GSK3B: variants seen among roughly 807,000 people sequenced by gnomAD.
GSK3B encodes glycogen synthase kinase 3 beta, also known as glycogen synthase kinase-3 beta.
GSK3B carries 15 observed loss-of-function variants against 56.4 expected under a neutral mutation model. The ratio of observed to expected loss-of-function variants is 0.27; its 90% CI spans 0.18 to 0.41. The LOEUF (loss-of-function observed/expected upper bound fraction) is 0.41, where lower values mean the gene tolerates loss of function less well. Ranked by LOEUF, GSK3B falls within the 10% of genes least tolerant of loss-of-function variation. The pLI is 1.00. For synonymous variants in GSK3B, 181 were observed against 188.9 expected (o/e 0.96, Z 0.34); for missense variants, 300 against 513.4 (o/e 0.58, Z 4.02).
At chr3:119,983,418 A>G (rs920070585) in intron 2 of GSK3B, among the ~76,000 whole-genome samples, 6 of 152,192 alleles carry the variant, frequency 3.9e-5, no homozygotes, top group Admixed American at 3.3e-4. Flanking sequence ...GGCAAATTGG[A>G]TAAAGAGTCA....
intron 1 of GSK3B, among the ~76,000 whole-genome samples, chr3:120,083,010 T>C (rs190889734): frequency 4.4e-4 from 67 of 151,844 alleles, no homozygotes; most frequent in African/African-American, 1.6e-3. Context: ...ACTTGCCTTA[T>C]GTTTGCATGG....
intron 9 of GSK3B, among the ~76,000 whole-genome samples, chr3:119,857,873 A>C (rs2056042744): frequency 6.6e-6 from 1 of 152,202 alleles, no homozygotes; most frequent in Admixed American, 6.5e-5. Flanking sequence ...GGGCTGCAGA[A>C]ATGGATGCTG....
chr3:120,093,116 T>C (rs1476889316), intron 1 of GSK3B, among the ~76,000 whole-genome samples: 1 of 152,176 alleles, frequency 6.6e-6, no homozygotes, highest in East Asian at 1.9e-4. Context: ...CAGTTTGAAA[T>C]CGAATCATCC....
intron 1 of GSK3B, among the ~76,000 whole-genome samples, chr3:120,026,125 T>C (rs1002962493): frequency 3.9e-5 from 6 of 152,164 alleles, no homozygotes; most frequent in African/African-American, 1.4e-4. Flanking sequence ...ACCTATCATA[T>C]TTCATCTCAC....
chr3:119,974,488 G>A (rs777725723), intron 2 of GSK3B, among the ~76,000 whole-genome samples: 3 of 152,044 alleles, frequency 2.0e-5, no homozygotes, highest in Non-Finnish European at 2.9e-5. Context: ...ATGCCCCCAC[G>A]GAAGGACACA....
intron 1 of GSK3B, among the ~76,000 whole-genome samples, chr3:120,061,861 T>C (rs1365313155): frequency 6.6e-6 from 1 of 152,196 alleles, no homozygotes; most frequent in Non-Finnish European, 1.5e-5. Context: ...GCCTCCCCAG[T>C]AGCTGGCATT....
intron 7 of GSK3B, among the ~76,000 whole-genome samples, chr3:119,898,050 T>C (rs1427812372): frequency 3.3e-5 from 5 of 152,090 alleles, no homozygotes; most frequent in Admixed American, 2.6e-4. Flanking sequence ...AAGCTGAAAA[T>C]GCAAACAATA....
At chr3:120,091,546 C>A (rs866943026) in intron 1 of GSK3B, among the ~76,000 whole-genome samples, 14 of 152,188 alleles carry the variant, frequency 9.2e-5, no homozygotes, top group Middle Eastern at 3.4e-3. Context: ...CATTACAGAT[C>A]TCTGAAATAA....
At chr3:119,829,102 T>TC (rs1341082116) in intron 10 of GSK3B, among the ~76,000 whole-genome samples, 4 of 152,304 alleles carry the variant, frequency 2.6e-5, no homozygotes, top group African/African-American at 9.6e-5. Context: ...CTCCTGACCT[T>TC]CCTTAGATAT....
intron 1 of GSK3B, among the ~76,000 whole-genome samples, chr3:120,044,114 A>G (rs2058084527): frequency 1.3e-5 from 2 of 152,190 alleles, no homozygotes. Context: ...GCTGCATGGT[A>G]ACTCTCTTCC....
chr3:119,893,818 T>C (rs987122419), intron 7 of GSK3B, among the ~76,000 whole-genome samples: 17 of 151,546 alleles, frequency 1.1e-4, no homozygotes, highest in Admixed American at 7.9e-4. Context: ...TTCCTTAAGA[T>C]GCAGTGGAAA....
chr3:119,826,437 G>C lies in GSK3B; in HGVS notation c.*351C>G, dbSNP rs1294914944. On this transcript the variant is annotated 3_prime_UTR_variant, in exon 11 of 11. Coordinates refer to ENST00000264235, the MANE Select transcript of GSK3B (RefSeq NM_001146156.2). ...CAGAAAAAGGTTTTCTTCTTTTGTG[G>C]AAGGGGCATGAGGCAGGAGTCCTGT... The C allele has an allele frequency of 9.0e-6, 4 of 442,972 alleles. No individual in the cohort carries two copies. Among genetic ancestry groups the C allele is most frequent in the Non-Finnish European group, 1.7e-5 (4 of 240,450 alleles). 27.4% of individuals were successfully genotyped at this position (442,972 alleles called of 1,614,324 possible).
At chr3:119,996,320 C>T (rs2057617423) in intron 2 of GSK3B, among the ~76,000 whole-genome samples, 1 of 152,184 alleles carries the variant, frequency 6.6e-6, no homozygotes, top group Admixed American at 6.5e-5. Flanking sequence ...AACATTAGAT[C>T]TACTATTTTG....
intron 1 of GSK3B, among the ~76,000 whole-genome samples, chr3:120,024,243 G>A (rs964792601): frequency 6.6e-6 from 1 of 152,062 alleles, no homozygotes; most frequent in East Asian, 1.9e-4. Flanking sequence ...GGCTGAGGTG[G>A]GAGAACTGCT....
chr3:119,898,441 C>G (rs2056591753), intron 7 of GSK3B, among the ~76,000 whole-genome samples: 1 of 152,124 alleles, frequency 6.6e-6, no homozygotes, highest in African/African-American at 2.4e-5. Flanking sequence ...CCTAAAGATA[C>G]CTCAAATTGA....
intron 2 of GSK3B, among the ~76,000 whole-genome samples, chr3:119,973,859 C>T (rs977416593): frequency 2.0e-5 from 3 of 151,876 alleles, no homozygotes; most frequent in Admixed American, 1.3e-4. Context: ...GAACATACCC[C>T]CGAAAGTAAG....
intron 9 of GSK3B, among the ~76,000 whole-genome samples, chr3:119,860,190 G>C (rs1207719933): frequency 1.3e-5 from 2 of 152,106 alleles, no homozygotes; most frequent in South Asian, 2.1e-4. Flanking sequence ...TTCCAGTCTT[G>C]GAATAGGCAA....
intron 1 of GSK3B, among the ~76,000 whole-genome samples, chr3:120,046,650 C>G (rs1352646785): frequency 6.6e-6 from 1 of 151,658 alleles, no homozygotes; most frequent in Non-Finnish European, 1.5e-5. Context: ...CTCTGTCTGC[C>G]CAGGCTGGAG....
chr3:120,061,879 T>C lies in GSK3B; in HGVS notation c.88+31468A>G, dbSNP rs550010996. On this transcript the variant is annotated intron_variant, in intron 1 of 10. Transcript: ENST00000264235. ...TCCCCAGTAGCTGGCATTACAGGCA[T>C]GTGCTACCACGCGCAGCTAATTTTG... Among the ~76,000 whole-genome samples the C allele has an allele frequency of 2.5e-3, 378 of 152,210 alleles. 5 individuals are homozygous for C. The highest frequency in any genetic ancestry group is 1.2e-3 in the Non-Finnish European group (79 of 68,004).
Sources: allele counts gnomAD v4.1 joint callset (sites outside exome capture counted in the v4.1 genomes callset), GRCh38; gene constraint gnomAD v4.1.1; transcripts MANE v1.5; gene names NCBI Gene and HGNC (gene_info 2026-07-23, HGNC 2026-07-21).